The following NMT2 variants were observed in gnomAD, a reference collection of about 807,000 sequenced individuals.
NMT2 encodes N-myristoyltransferase 2, also known as glycylpeptide N-tetradecanoyltransferase 2.
Under a neutral mutation model 65.4 loss-of-function variants are expected in NMT2, and 35 were observed. The observed-to-expected ratio is 0.54, with a 90% CI of 0.41 to 0.71. NMT2 has a LOEUF of 0.71. Ranked by LOEUF, NMT2 falls within the 30% of genes least tolerant of loss-of-function variation. The probability of loss-of-function intolerance (pLI) is 0.00; values close to 1 mark genes in which losing one functional copy is unlikely to be tolerated. For synonymous variants in NMT2, 226 were observed against 231.8 expected, an observed-to-expected ratio of 0.98 and a Z score of 0.23; for missense variants, 489 against 611.3, an observed-to-expected ratio of 0.80 and a Z score of 2.11.
intron 1 of NMT2, among the ~76,000 whole-genome samples, chr10:15,145,993 C>G (rs1313890307): frequency 1.3e-5 from 2 of 152,162 alleles, no homozygotes; most frequent in Non-Finnish European, 2.9e-5. Context: ...TGAAGAAAGA[C>G]TAATTCAGAC....
chr10:15,162,065 C>T (rs1357935256), intron 1 of NMT2, among the ~76,000 whole-genome samples: 1 of 152,018 alleles, frequency 6.6e-6, no homozygotes, highest in Admixed American at 6.5e-5. Context: ...CCAGCCTAGA[C>T]AACATAGTGA....
At chr10:15,110,453 G>A (rs1845473373) in intron 10 of NMT2, among the ~76,000 whole-genome samples, 1 of 151,982 alleles carries the variant, frequency 6.6e-6, no homozygotes, top group South Asian at 2.1e-4. Flanking sequence ...AGGTGTAGGT[G>A]TAGGTACAGG....
At chr10:15,152,067 C>A (rs74368197) in intron 1 of NMT2, among the ~76,000 whole-genome samples, 4 of 152,220 alleles carry the variant, frequency 2.6e-5, no homozygotes, top group Non-Finnish European at 5.9e-5. Flanking sequence ...AATACTCAAA[C>A]GTAGAAATGA....
intron 1 of NMT2, among the ~76,000 whole-genome samples, chr10:15,162,084 C>A (rs1031182053): frequency 2.0e-5 from 3 of 151,942 alleles, no homozygotes; most frequent in Non-Finnish European, 4.4e-5. Context: ...GAGACCCTGT[C>A]TCTACAAAAA....
At chr10:15,126,266 TA>T (rs1299239575) in intron 8 of NMT2, among the ~76,000 whole-genome samples, 1 of 151,616 alleles carries the variant, frequency 6.6e-6, no homozygotes, top group African/African-American at 2.4e-5. Flanking sequence ...CCATCTCTAC[TA>T]AAAATACAAA....
Position 15,141,228 on chromosome 10 carries a change from A to G in NMT2, c.246+194T>C, listed in dbSNP as rs528540925. The G allele has an allele frequency of 6.2e-6, 5 of 802,944 alleles. No homozygotes were observed. The South Asian group carries it at 9.0e-5, about 14-fold the overall frequency. 49.7% of individuals were successfully genotyped at this position (802,944 alleles called of 1,614,324 possible). A position where few individuals can be genotyped will look rare whatever the true frequency, so the allele number is the denominator to read the frequency against. On this transcript the variant is annotated intron_variant, in intron 2 of 11. Coordinates refer to ENST00000378165, the MANE Select transcript of NMT2 (RefSeq NM_004808.3). ...CAGGTATCCACACACACACAAAAGC[A>G]CAGTGTACCCCTTCGTTATTTGGGT...
intron 1 of NMT2, among the ~76,000 whole-genome samples, chr10:15,163,232 A>T (rs1365844265): frequency 2.6e-5 from 4 of 152,226 alleles, no homozygotes; most frequent in African/African-American, 9.6e-5. Flanking sequence ...ATTTTTGAAT[A>T]AGCGTATTTT....
rs1168428116 is a variant in NMT2, at chr10:15,107,720, G to T, written c.*1475C>A. The T allele has an allele frequency of 6.2e-6, 6 of 963,116 alleles. No homozygotes were observed. The allele number at this position is 963,116 out of a possible 1,614,324, so 59.7% of individuals were successfully genotyped here. A position where few individuals can be genotyped will look rare whatever the true frequency, so the allele number is the denominator to read the frequency against. ...TTCGCCCGCCTTGGCCTCCCAAAGT[G>T]CTGGGATTACAGGCGTGAGCCACCA... On this transcript the variant is annotated 3_prime_UTR_variant, in exon 12 of 12. Transcript: ENST00000378165.
chr10:15,161,093 A>AC (rs1833176324), intron 1 of NMT2, among the ~76,000 whole-genome samples: 1 of 147,070 alleles, frequency 6.8e-6, no homozygotes, highest in African/African-American at 2.6e-5. Context: ...AAAAAAAAAA[A>AC]AAAAAAAAAA....
At chr10:15,153,683 T>C (rs1588451089) in intron 1 of NMT2, among the ~76,000 whole-genome samples, 2 of 152,268 alleles carry the variant, frequency 1.3e-5, no homozygotes, top group African/African-American at 2.4e-5. Flanking sequence ...CAGAGTCTCG[T>C]TCTGTCGCCC....
chr10:15,152,558 A>G (rs1285309596), intron 1 of NMT2, among the ~76,000 whole-genome samples: 1 of 152,212 alleles, frequency 6.6e-6, no homozygotes, highest in East Asian at 1.9e-4. Context: ...CCTGATACAT[A>G]AAGTCTGTGG....
intron 1 of NMT2, among the ~76,000 whole-genome samples, chr10:15,152,366 C>T (rs1056492693): frequency 2.0e-5 from 3 of 152,086 alleles, no homozygotes; most frequent in Non-Finnish European, 4.4e-5. Context: ...AGAGAAATAC[C>T]ACAGAGCTCT....
intron 1 of NMT2, among the ~76,000 whole-genome samples, chr10:15,157,257 T>C (rs896698148): frequency 1.4e-4 from 22 of 152,146 alleles, no homozygotes; most frequent in African/African-American, 5.3e-4. Context: ...AAAGGTGACA[T>C]CCAAATTCAG....
In NMT2 at chr10:15,138,007, T is replaced by C. The variant is rs183286980; in HGVS notation, c.247-2589A>G. ...TGCTTTCTTTCTTCTTCTTCTTCTTTTTTTTTTTTTTTTTTCATTTTGAGG... is the reference window on the plus strand; with the variant it reads ...TGCTTTCTTTCTTCTTCTTCTTCTTCTTTTTTTTTTTTTTTCATTTTGAGG... On this transcript the variant is annotated intron_variant, in intron 2 of 11. Transcript: ENST00000378165. Among the ~76,000 whole-genome samples, 232 of 149,728 alleles carry C rather than the reference T, an allele frequency of 1.5e-3. 1 individual carries two copies. Among genetic ancestry groups the C allele is most frequent in the African/African-American group, 4.4e-3 (179 of 40,888 alleles).
At chr10:15,125,751 G>C (rs1000739565) in intron 8 of NMT2, among the ~76,000 whole-genome samples, 1 of 152,040 alleles carries the variant, frequency 6.6e-6, no homozygotes. Flanking sequence ...ACTGCAACCT[G>C]TGCCTCCTAG....
intron 2 of NMT2, among the ~76,000 whole-genome samples, chr10:15,137,171 A>T (rs1846542969): frequency 6.6e-6 from 1 of 152,134 alleles, no homozygotes; most frequent in South Asian, 2.1e-4. Flanking sequence ...AATAATTTTA[A>T]CTTGGGAAGC....
chr10:15,141,118 A>G, intron 2 of NMT2: 2 of 1,208,616 alleles, frequency 1.7e-6, no homozygotes, highest in Non-Finnish European at 2.4e-6. Flanking sequence ...GTGTAATTTC[A>G]AAAAAACCTA....
At chr10:15,111,158 C>T (rs1215320798) in intron 10 of NMT2, among the ~76,000 whole-genome samples, 1 of 152,102 alleles carries the variant, frequency 6.6e-6, no homozygotes, top group East Asian at 1.9e-4. Flanking sequence ...AATTATTAGC[C>T]TTTCTAAGTC....
intron 10 of NMT2, 54 bp from the exon 11 acceptor site, chr10:15,109,893 A>G (rs1032963658): frequency 7.0e-6 from 10 of 1,421,566 alleles, no homozygotes; most frequent in Admixed American, 3.9e-5. Flanking sequence ...TGTTTTCTGT[A>G]TTACATATCT....
Sources: allele counts gnomAD v4.1 joint callset (sites outside exome capture counted in the v4.1 genomes callset), GRCh38; gene constraint gnomAD v4.1.1; transcripts MANE v1.5; gene names NCBI Gene and HGNC (gene_info 2026-07-23, HGNC 2026-07-21).